Variants in PIK3CA observed in about 807,000 individuals in gnomAD.
PIK3CA encodes phosphatidylinositol 4,5-bisphosphate 3-kinase catalytic subunit alpha isoform.
A neutral mutation model predicts 138.2 loss-of-function variants in PIK3CA; 27 were observed. That is an observed-to-expected ratio of 0.20 (90% CI 0.14 to 0.27). The LOEUF (loss-of-function observed/expected upper bound fraction) is 0.27, where lower values mean the gene tolerates loss of function less well. Among genes scored for constraint, PIK3CA ranks in the 10% least tolerant of loss-of-function variants. The pLI, the probability that PIK3CA is intolerant of heterozygous loss-of-function variation, is 1.00. For synonymous variants in PIK3CA, 358 were observed against 413.2 expected, an observed-to-expected ratio of 0.87 and a Z score of 1.62; for missense variants, 544 against 1,277.4, an observed-to-expected ratio of 0.43 and a Z score of 8.75.
chr3:179,235,710 TTACCTTTTTAAACTA>T lies in PIK3CA; in HGVS notation c.*1348_*1362del. ...TGGGGGAATAGAAACCATGAACTTTTTACCTTTTTAAACTATTTATCCATATCTCCAAAGTAGAAC... is the reference window on the plus strand; with the variant it reads ...TGGGGGAATAGAAACCATGAACTTTTTTTATCCATATCTCCAAAGTAGAAC... On this transcript the variant is annotated 3_prime_UTR_variant, in exon 21 of 21. Coordinates refer to ENST00000263967, the MANE Select transcript of PIK3CA (RefSeq NM_006218.4). The T allele has an allele frequency of 4.8e-6, 1 of 206,902 alleles. No homozygotes were observed. The highest frequency in any genetic ancestry group is 9.9e-6 in the Non-Finnish European group (1 of 101,342). The allele number at this position is 206,902 out of a possible 1,614,324, so 12.8% of individuals were successfully genotyped here.
At chr3:179,165,053 C>T (rs1256566218) in intron 1 of PIK3CA, among the ~76,000 whole-genome samples, 2 of 152,192 alleles carry the variant, frequency 1.3e-5, no homozygotes, top group Admixed American at 1.3e-4. Flanking sequence ...ACTTTACTGT[C>T]CCTACCTGTC....
At chr3:179,207,445 CTT>C (rs369018161) in intron 6 of PIK3CA, among the ~76,000 whole-genome samples, 11 of 152,126 alleles carry the variant, frequency 7.2e-5, no homozygotes, top group African/African-American at 2.7e-4. Context: ...ACATAGCTCT[CTT>C]AGAGTATAGA....
In PIK3CA at chr3:179,235,102, A is replaced by T; in HGVS notation, c.*738A>T. 5.2e-6 allele frequency: 1 copy of T among 191,322 alleles called. No individual in the cohort carries two copies. Among genetic ancestry groups the T allele is most frequent in the East Asian group, 8.1e-5 (1 of 12,306 alleles). 11.9% of individuals were successfully genotyped at this position (191,322 alleles called of 1,614,324 possible). On this transcript the variant is annotated 3_prime_UTR_variant, in exon 21 of 21. Transcript: ENST00000263967. The stretch of plus-strand genomic sequence containing the variant: ...GGATCTTATTCTTATTTCCCAGGGA[A>T]ATTCTGGGCTCCCACAAAGTAAAAA...
At position 179,229,484 on chromosome 3, in the gene PIK3CA, T is replaced by C. The variant is rs775369778; in HGVS notation, c.2666+42T>C. The stretch of plus-strand genomic sequence containing the variant: ...TTTCTTCCTATGTTAATCTAAGTTT[T>C]TGTTAGATGAGTCTGTCGGTGTTTG... On this transcript the variant is annotated intron_variant, in intron 18 of 20. Coordinates refer to ENST00000263967, the MANE Select transcript of PIK3CA (RefSeq NM_006218.4). The C allele has an allele frequency of 2.7e-6, 4 of 1,485,890 alleles. No individual in the cohort carries two copies. In the South Asian group the frequency reaches 4.8e-5, roughly 18 times the overall value. 92.0% of individuals were successfully genotyped at this position (1,485,890 alleles called of 1,614,324 possible). A position where few individuals can be genotyped will look rare whatever the true frequency, so the allele number is the denominator to read the frequency against.
At chr3:179,159,489 A>G (rs1723222570) in intron 1 of PIK3CA, among the ~76,000 whole-genome samples, 2 of 152,228 alleles carry the variant, frequency 1.3e-5, no homozygotes, top group Admixed American at 1.3e-4. Flanking sequence ...GAGGGGGAGC[A>G]TTATGGACTT....
intron 20 of PIK3CA, among the ~76,000 whole-genome samples, chr3:179,231,752 C>T: frequency 6.9e-6 from 1 of 145,522 alleles, no homozygotes; most frequent in Non-Finnish European, 1.5e-5. Context: ...AAGCAATTCT[C>T]CTGCCTCAGC....
intron 1 of PIK3CA, among the ~76,000 whole-genome samples, chr3:179,181,054 A>G (rs1723831618): frequency 6.6e-6 from 1 of 152,048 alleles, no homozygotes. Flanking sequence ...GTCCTGGCAA[A>G]AAGACAAACT....
At chr3:179,216,463 A>C (rs1458327634) in intron 9 of PIK3CA, among the ~76,000 whole-genome samples, 1 of 152,160 alleles carries the variant, frequency 6.6e-6, no homozygotes, top group East Asian at 1.9e-4. Context: ...AAATGGACAA[A>C]TGCCGAAGGT....
chr3:179,184,174 G>A (rs1723916899), intron 1 of PIK3CA, among the ~76,000 whole-genome samples: 1 of 152,166 alleles, frequency 6.6e-6, no homozygotes, highest in East Asian at 1.9e-4. Context: ...CTGTTTTCCT[G>A]CTGCAAAGCA....
intron 1 of PIK3CA, among the ~76,000 whole-genome samples, chr3:179,192,486 G>A (rs1307566315): frequency 6.6e-6 from 1 of 152,230 alleles, no homozygotes; most frequent in African/African-American, 2.4e-5. Context: ...AAAGAACTTA[G>A]GTTGACACTG....
intron 14 of PIK3CA, among the ~76,000 whole-genome samples, chr3:179,223,639 T>G (rs941778377): frequency 6.6e-6 from 1 of 152,202 alleles, no homozygotes; most frequent in Admixed American, 6.6e-5. Context: ...GCAAGTTTTC[T>G]TAAAGGGCCA....
intron 14 of PIK3CA, among the ~76,000 whole-genome samples, chr3:179,223,644 G>A (rs1038827851): frequency 2.0e-4 from 31 of 152,138 alleles, no homozygotes; most frequent in African/African-American, 7.0e-4. Context: ...TTTTCTTAAA[G>A]GGCCAGATAG....
At chr3:179,184,452 A>G (rs371634605) in intron 1 of PIK3CA, among the ~76,000 whole-genome samples, 2 of 152,352 alleles carry the variant, frequency 1.3e-5, no homozygotes, top group East Asian at 3.9e-4. Context: ...ACAGTAGACC[A>G]TGATGAAGCT....
chr3:179,159,734 G>C (rs1268090215), intron 1 of PIK3CA, among the ~76,000 whole-genome samples: 1 of 152,176 alleles, frequency 6.6e-6, no homozygotes, highest in African/African-American at 2.4e-5. Context: ...TGCATCATTA[G>C]ATGATTTCAT....
intron 1 of PIK3CA, among the ~76,000 whole-genome samples, chr3:179,185,833 G>A (rs1264014876): frequency 6.6e-6 from 1 of 152,110 alleles, no homozygotes; most frequent in East Asian, 1.9e-4. Context: ...TGCCCTCTGT[G>A]GACACACCAC....
chr3:179,190,877 T>G (rs975819331), intron 1 of PIK3CA, among the ~76,000 whole-genome samples: 3 of 152,208 alleles, frequency 2.0e-5, no homozygotes, highest in East Asian at 1.9e-4. Context: ...AAATATGGGC[T>G]TAAGGCTCCT....
chr3:179,175,237 T>C (rs1423279906), intron 1 of PIK3CA, among the ~76,000 whole-genome samples: 1 of 152,234 alleles, frequency 6.6e-6, no homozygotes, highest in Non-Finnish European at 1.5e-5. Context: ...ATATGTGTTA[T>C]TCTACTCCTA....
chr3:179,199,904 G>C lies in PIK3CA; in HGVS notation c.562+5G>C. The C allele has an allele frequency of 1.3e-6, 2 of 1,505,556 alleles. No individual in the cohort carries two copies. The highest frequency in any genetic ancestry group is 1.8e-6 in the Non-Finnish European group (2 of 1,082,758). The allele number at this position is 1,505,556 out of a possible 1,614,324, so 93.3% of individuals were successfully genotyped here. ...TATATAATAAATTAGATAAAGGTAA[G>C]AAAATGACTAATCTACTCTAATCAT... is the stretch of plus-strand genomic sequence containing the variant. On this transcript the variant is annotated splice_donor_5th_base_variant and intron_variant, in intron 3 of 20. Transcript: ENST00000263967.
chr3:179,178,080 CAAAAAAA>C (rs770394983), intron 1 of PIK3CA, among the ~76,000 whole-genome samples: 1 of 59,550 alleles, frequency 1.7e-5, no homozygotes, highest in Admixed American at 1.7e-4. Context: ...TCTGTCTTTA[CAAAAAAA>C]AAAAAAAAAA....
Sources: gnomAD v4.1 joint callset for allele counts (sites outside exome capture counted in the v4.1 genomes callset) on GRCh38, gnomAD v4.1.1 for gene constraint, MANE v1.5 for transcripts, NCBI Gene and HGNC (gene_info 2026-07-23, HGNC 2026-07-21) for gene names.